Variants in CTNNA3 observed in about 807,000 individuals in gnomAD.
The protein encoded by CTNNA3 is catenin alpha 3, also known as catenin alpha-3.
A neutral mutation model predicts 95.7 loss-of-function variants in CTNNA3; 76 were observed. The observed-to-expected ratio is 0.79, with a 90% CI of 0.66 to 0.96. CTNNA3 has a LOEUF of 0.96. Among genes scored for constraint, CTNNA3 ranks in the 40% least tolerant of loss-of-function variants. The probability of loss-of-function intolerance (pLI) is 0.00; values close to 1 mark genes in which losing one functional copy is unlikely to be tolerated. For synonymous variants in CTNNA3, 431 were observed against 374.4 expected (o/e 1.15, Z -1.74); for missense variants, 1,191 against 1,089.8 (o/e 1.09, Z -1.31).
rs377577716 is a variant in CTNNA3, at chr10:67,036,379, C to T, written c.1047+143938G>A. Among the ~76,000 whole-genome samples the T allele has an allele frequency of 2.6e-5, 4 of 152,070 alleles. No homozygotes were observed. The East Asian group carries it at 7.8e-4, about 29-fold the overall frequency. ...CTCCCTTCAGTTTCAAGCAATTCTC[C>T]TGCCTCAGACTCCCAAGTAGCGACA... On this transcript the variant is annotated intron_variant, in intron 7 of 17. Coordinates refer to ENST00000433211, the MANE Select transcript of CTNNA3 (RefSeq NM_013266.4).
chr10:66,834,241 G>A (rs1485586005), intron 7 of CTNNA3, among the ~76,000 whole-genome samples: 1 of 152,188 alleles, frequency 6.6e-6, no homozygotes, highest in African/African-American at 2.4e-5. Flanking sequence ...ATCAGATGCT[G>A]TTTTGAGTGT....
At chr10:66,036,475 G>A (rs2079565370) in intron 15 of CTNNA3, among the ~76,000 whole-genome samples, 1 of 152,126 alleles carries the variant, frequency 6.6e-6, no homozygotes, top group Admixed American at 6.5e-5. Context: ...CTGGGTTCAA[G>A]TGATTCTTGT....
chr10:66,207,461 T>C (rs2087836038), intron 13 of CTNNA3, among the ~76,000 whole-genome samples: 1 of 151,974 alleles, frequency 6.6e-6, no homozygotes, highest in Admixed American at 6.6e-5. Context: ...TTTTCACCCA[T>C]GTTTGAGATA....
intron 9 of CTNNA3, among the ~76,000 whole-genome samples, chr10:66,627,244 C>T (rs1844968455): frequency 6.6e-6 from 1 of 152,084 alleles, no homozygotes; most frequent in African/African-American, 2.4e-5. Flanking sequence ...CCATTCCTCC[C>T]TTTGGTAATA....
chr10:66,138,309 A>T (rs1323136806), intron 13 of CTNNA3, among the ~76,000 whole-genome samples: 1 of 152,198 alleles, frequency 6.6e-6, no homozygotes, highest in African/African-American at 2.4e-5. Context: ...CAATGCCTCC[A>T]ACCACATGAT....
intron 5 of CTNNA3, among the ~76,000 whole-genome samples, chr10:67,390,075 A>T (rs183961048): frequency 3.2e-4 from 49 of 152,360 alleles, no homozygotes; most frequent in African/African-American, 1.1e-3. Context: ...GAACGGAAGG[A>T]AATAAAGACA....
intron 13 of CTNNA3, among the ~76,000 whole-genome samples, chr10:66,194,270 C>T (rs774041827): frequency 6.6e-6 from 1 of 152,002 alleles, no homozygotes; most frequent in Non-Finnish European, 1.5e-5. Context: ...TTTGCTGTGC[C>T]CAAATGGATA....
chr10:66,798,376 A>G (rs946274319), intron 7 of CTNNA3, among the ~76,000 whole-genome samples: 4 of 151,784 alleles, frequency 2.6e-5, no homozygotes, highest in African/African-American at 9.7e-5. Flanking sequence ...GCTTAAAAAA[A>G]GTTAATTGAT....
chr10:67,368,574 C>A (rs1174876822), intron 5 of CTNNA3, among the ~76,000 whole-genome samples: 1 of 152,156 alleles, frequency 6.6e-6, no homozygotes, highest in African/African-American at 2.4e-5. Context: ...ATGTTCATGA[C>A]AGTTGTACTC....
chr10:66,385,123 A>C (rs1490939313), intron 11 of CTNNA3, among the ~76,000 whole-genome samples: 1 of 152,168 alleles, frequency 6.6e-6, no homozygotes, highest in East Asian at 1.9e-4. Flanking sequence ...GAGACACAAA[A>C]ACCCTTCAAA....
intron 9 of CTNNA3, among the ~76,000 whole-genome samples, chr10:66,637,557 C>T (rs184619283): frequency 2.0e-5 from 3 of 152,356 alleles, no homozygotes; most frequent in East Asian, 1.9e-4. Context: ...CGTTGTCAGG[C>T]TCAGCCTCTG....
chr10:67,555,981 C>T (rs568519568), intron 3 of CTNNA3, among the ~76,000 whole-genome samples: 18 of 152,132 alleles, frequency 1.2e-4, no homozygotes, highest in East Asian at 3.9e-4. Flanking sequence ...TGAATTCTGT[C>T]GAAGCCTTTT....
chr10:66,303,458 A>G (rs1003866710), intron 12 of CTNNA3, among the ~76,000 whole-genome samples: 1 of 152,168 alleles, frequency 6.6e-6, no homozygotes, highest in Non-Finnish European at 1.5e-5. Context: ...ATGCATTTAT[A>G]CTTGATTATG....
chr10:67,503,885 C>T (rs544220159), intron 5 of CTNNA3, among the ~76,000 whole-genome samples: 48 of 152,246 alleles, frequency 3.2e-4, no homozygotes, highest in South Asian at 2.1e-3. Flanking sequence ...CAGCCAGGCG[C>T]GGTGGCTCAT....
intron 9 of CTNNA3, among the ~76,000 whole-genome samples, chr10:66,625,145 G>T (rs1310442539): frequency 6.6e-6 from 1 of 152,136 alleles, no homozygotes; most frequent in Non-Finnish European, 1.5e-5. Context: ...TATGTGTCTT[G>T]TTATGAGAGG....
intron 7 of CTNNA3, among the ~76,000 whole-genome samples, chr10:66,907,579 T>G (rs1169883555): frequency 2.6e-5 from 4 of 152,184 alleles, no homozygotes; most frequent in Non-Finnish European, 4.4e-5. Context: ...ATTATGTTCC[T>G]GCCAGACTTC....
rs192450632 is a variant in CTNNA3 at position 66,691,395 on chromosome 10, C to T, written c.1282-69611G>A. Among the ~76,000 whole-genome samples the T allele has an allele frequency of 1.9e-3, 293 of 152,262 alleles. 1 individual carries two copies. The highest frequency in any genetic ancestry group is 6.7e-3 in the African/African-American group (280 of 41,554). ...CTGAGATCAAACTGCGAGGCAGCAG[C>T]GAGGCTGGGGGAGGGGCACCCACCA... On this transcript the variant is annotated intron_variant, in intron 9 of 17. Transcript: ENST00000433211.
chr10:66,832,361 G>C (rs1375277060), intron 7 of CTNNA3, among the ~76,000 whole-genome samples: 1 of 152,140 alleles, frequency 6.6e-6, no homozygotes. Context: ...GTCTTAGAAG[G>C]AAAGTGAGCC....
At chr10:66,221,142 T>C (rs1214124136) in intron 13 of CTNNA3, among the ~76,000 whole-genome samples, 2 of 152,136 alleles carry the variant, frequency 1.3e-5, no homozygotes, top group East Asian at 1.9e-4. Flanking sequence ...ATGAATTCAT[T>C]TGGCCAGTGT....
Sources: allele counts gnomAD v4.1 joint callset (sites outside exome capture counted in the v4.1 genomes callset), GRCh38; gene constraint gnomAD v4.1.1; transcripts MANE v1.5; gene names NCBI Gene and HGNC (gene_info 2026-07-23, HGNC 2026-07-21).